The following CSMD1 variants were observed in gnomAD, a reference collection of about 807,000 sequenced individuals.
CSMD1 encodes the protein CUB and sushi domain-containing protein 1.
A neutral mutation model predicts 417.5 loss-of-function variants in CSMD1; 213 were observed. That is an observed-to-expected ratio of 0.51 (90% CI 0.46 to 0.57). CSMD1 has a LOEUF of 0.57. CSMD1 is among the 20% of genes least tolerant of loss of function. CSMD1 has a pLI of 0.00. For missense variants in CSMD1, 6,923 were observed against 4,529.7 expected, an observed-to-expected ratio of 1.53 and a Z score of -15.17; for synonymous variants, 2,862 against 1,736.8, an observed-to-expected ratio of 1.65 and a Z score of -16.11.
intron 26 of CSMD1, among the ~76,000 whole-genome samples, chr8:3,243,496 A>AG (rs918143418): frequency 8.3e-5 from 12 of 144,350 alleles, no homozygotes; most frequent in Admixed American, 4.2e-4. Context: ...GCAGGTGTGG[A>AG]GGGGGTCACA....
At chr8:4,977,599 C>A (rs188404610) in intron 1 of CSMD1, among the ~76,000 whole-genome samples, 27 of 152,320 alleles carry the variant, frequency 1.8e-4, no homozygotes, top group African/African-American at 6.3e-4. Context: ...ACTGAAATCA[C>A]TCTCCTGAAC....
At chr8:4,331,163 C>A (rs766691969) in intron 3 of CSMD1, among the ~76,000 whole-genome samples, 2 of 152,110 alleles carry the variant, frequency 1.3e-5, no homozygotes, top group Non-Finnish European at 2.9e-5. Context: ...AAATTATTTG[C>A]CTGATAAGAA....
rs748030900 is a variant in CSMD1 at position 4,198,415 on chromosome 8, G to T, written c.416-166316C>A. Among the ~76,000 whole-genome samples the T allele has an allele frequency of 2.6e-5, 4 of 152,270 alleles. No individual in the cohort carries two copies. In the South Asian group the frequency reaches 6.2e-4, roughly 24 times the overall value. ...GAGACTTTTCAGAATTTTCAGATTGGCAATATAGATAAGCCATACCTGTGG... is the reference window on the plus strand; with the variant it reads ...GAGACTTTTCAGAATTTTCAGATTGTCAATATAGATAAGCCATACCTGTGG... On this transcript the variant is annotated intron_variant, in intron 3 of 69. Coordinates refer to ENST00000635120, the MANE Select transcript of CSMD1 (RefSeq NM_033225.6).
chr8:4,393,135 C>T (rs1056864333), intron 3 of CSMD1, among the ~76,000 whole-genome samples: 1 of 151,916 alleles, frequency 6.6e-6, no homozygotes, highest in Non-Finnish European at 1.5e-5. Flanking sequence ...GCCACCACGC[C>T]CGACTAATTT....
At chr8:4,747,849 G>A (rs1475094793) in intron 1 of CSMD1, among the ~76,000 whole-genome samples, 1 of 152,186 alleles carries the variant, frequency 6.6e-6, no homozygotes, top group Non-Finnish European at 1.5e-5. Flanking sequence ...CAACTGTTCA[G>A]GTCTCTTTTC....
chr8:3,735,935 C>A (rs73658226), intron 6 of CSMD1, among the ~76,000 whole-genome samples: 1 of 151,446 alleles, frequency 6.6e-6, no homozygotes, highest in African/African-American at 2.4e-5. Flanking sequence ...AGCTTTCTTG[C>A]TAGGGAAAGA....
intron 3 of CSMD1, among the ~76,000 whole-genome samples, chr8:4,318,054 G>GT (rs889858734): frequency 1.3e-5 from 2 of 152,070 alleles, no homozygotes; most frequent in African/African-American, 2.4e-5. Flanking sequence ...TTGTGCGTTC[G>GT]TTTTTTCTCA....
intron 26 of CSMD1, among the ~76,000 whole-genome samples, chr8:3,280,804 G>T (rs1290193805): frequency 6.6e-6 from 1 of 151,658 alleles, no homozygotes; most frequent in Non-Finnish European, 1.5e-5. Flanking sequence ...AATTATATGA[G>T]AAGAAACATT....
chr8:4,278,377 T>G (rs1010412813), intron 3 of CSMD1, among the ~76,000 whole-genome samples: 1 of 152,178 alleles, frequency 6.6e-6, no homozygotes, highest in Admixed American at 6.5e-5. Context: ...AACTATAAAA[T>G]TATCAGCTAT....
chr8:4,109,724 A>T (rs1377433663), intron 3 of CSMD1, among the ~76,000 whole-genome samples: 1 of 152,148 alleles, frequency 6.6e-6, no homozygotes, highest in Non-Finnish European at 1.5e-5. Context: ...AAATCTTAAA[A>T]CAACTATGTC....
chr8:4,178,768 G>C (rs1198888146), intron 3 of CSMD1, among the ~76,000 whole-genome samples: 2 of 152,082 alleles, frequency 1.3e-5, no homozygotes, highest in Non-Finnish European at 2.9e-5. Flanking sequence ...AAAATTACAA[G>C]CATTGTTATA....
At chr8:3,938,820 C>G (rs1028467434) in intron 5 of CSMD1, among the ~76,000 whole-genome samples, 4 of 152,082 alleles carry the variant, frequency 2.6e-5, no homozygotes, top group African/African-American at 9.7e-5. Context: ...AAATATTTAG[C>G]TAACATATCT....
At chr8:3,867,548 A>G (rs778370902) in intron 5 of CSMD1, among the ~76,000 whole-genome samples, 12 of 152,302 alleles carry the variant, frequency 7.9e-5, no homozygotes, top group Non-Finnish European at 1.5e-4. Flanking sequence ...AAGGCTAGTG[A>G]GAGACGTCTA....
At chr8:3,115,150 G>A (rs1272250420) in intron 42 of CSMD1, among the ~76,000 whole-genome samples, 3 of 147,824 alleles carry the variant, frequency 2.0e-5, no homozygotes, top group South Asian at 2.1e-4. Flanking sequence ...CATTTAATAA[G>A]TTAATAAACC....
rs370534014 is a variant in CSMD1 at position 3,127,119 on chromosome 8, T to C, written c.6242-8532A>G. Among the ~76,000 whole-genome samples, 259 of 152,314 alleles carry C rather than the reference T, an allele frequency of 1.7e-3. 10 individuals carry two copies. In the South Asian group the frequency reaches 0.032, roughly 19 times the overall value. On this transcript the variant is annotated intron_variant, in intron 41 of 69. Coordinates refer to ENST00000635120, the MANE Select transcript of CSMD1 (RefSeq NM_033225.6). Reference sequence around the variant, plus strand: ...TTCAGGTCCTAGTTTCTAAGAGTCTTGTCCACAAACTAAGGGGAATCTTAG... The same window carrying C: ...TTCAGGTCCTAGTTTCTAAGAGTCTCGTCCACAAACTAAGGGGAATCTTAG...
chr8:4,948,846 G>T (rs887330969), intron 1 of CSMD1, among the ~76,000 whole-genome samples: 1 of 152,144 alleles, frequency 6.6e-6, no homozygotes, highest in East Asian at 1.9e-4. Flanking sequence ...TTTTAGAAAA[G>T]GTTATGGTGT....
chr8:4,406,295 C>A (rs1378545550), intron 3 of CSMD1, among the ~76,000 whole-genome samples: 1 of 152,034 alleles, frequency 6.6e-6, no homozygotes, highest in Admixed American at 6.6e-5. Flanking sequence ...ACAAAACAAA[C>A]CCTTTGCAAT....
chr8:3,846,843 T>C (rs373065535), intron 5 of CSMD1, among the ~76,000 whole-genome samples: 28 of 152,178 alleles, frequency 1.8e-4, no homozygotes, highest in African/African-American at 6.7e-4. Context: ...CTGGCTAATT[T>C]TTTGTATATT....
chr8:4,654,610 G>T (rs76266726), intron 1 of CSMD1, among the ~76,000 whole-genome samples: 3 of 152,052 alleles, frequency 2.0e-5, no homozygotes, highest in Non-Finnish European at 4.4e-5. Flanking sequence ...AGTTCATATG[G>T]CTATAGATAT....
Sources: gnomAD v4.1 joint callset for allele counts (sites outside exome capture counted in the v4.1 genomes callset) on GRCh38, gnomAD v4.1.1 for gene constraint, MANE v1.5 for transcripts, NCBI Gene and HGNC (gene_info 2026-07-23, HGNC 2026-07-21) for gene names.